The following MYMK variants were observed in gnomAD, a reference collection of about 807,000 sequenced individuals.
MYMK encodes protein myomaker.
A neutral mutation model predicts 22.4 loss-of-function variants in MYMK; 16 were observed. That is an observed-to-expected ratio of 0.72 (90% CI 0.48 to 1.09). MYMK has a LOEUF of 1.09. Ranked by LOEUF, MYMK falls within the 50% of genes least tolerant of loss-of-function variation. The probability of loss-of-function intolerance (pLI) is 0.00; values close to 1 mark genes in which losing one functional copy is unlikely to be tolerated. For missense variants in MYMK, 250 were observed against 295.6 expected (o/e 0.85, Z 1.13); for synonymous variants, 125 against 127.0 (o/e 0.98, Z 0.11).
In MYMK at chr9:133,519,454, G is replaced by A. The variant is rs142473472; in HGVS notation, c.251-432C>T. On this transcript the variant is annotated intron_variant, in intron 2 of 4. Coordinates refer to ENST00000339996, the MANE Select transcript of MYMK (RefSeq NM_001080483.3). ...GCATGCCTGTCATCCCAGCTACTTG[G>A]GAGGCTGAGGTGGGAGGATGGCTTG... Among the ~76,000 whole-genome samples, 522 of 152,280 alleles carry A rather than the reference G, an allele frequency of 3.4e-3. 3 individuals are homozygous for A. Among genetic ancestry groups the A allele is most frequent in the African/African-American group, 0.012 (510 of 41,536 alleles).
In MYMK at chr9:133,524,873, G is replaced by T. The variant is rs376451203; in HGVS notation, c.-29C>A. 1 of 1,583,894 alleles carries T rather than the reference G, an allele frequency of 6.3e-7. No individual in the cohort carries two copies. The highest frequency in any genetic ancestry group is 8.6e-7 in the Non-Finnish European group (1 of 1,164,762). On this transcript the variant is annotated 5_prime_UTR_variant, in exon 1 of 5. Transcript: ENST00000339996. ...CCAGGAGGAAAGCACTGGCTGGGGTGGGGAGGGTGCTGGTGTCCCAGGTCC... is the reference window on the plus strand; with the variant it reads ...CCAGGAGGAAAGCACTGGCTGGGGTTGGGAGGGTGCTGGTGTCCCAGGTCC...
At chr9:133,517,464 A>G (rs906851902) in intron 3 of MYMK, among the ~76,000 whole-genome samples, 1 of 152,194 alleles carries the variant, frequency 6.6e-6, no homozygotes, top group East Asian at 1.9e-4. Context: ...TCAGGAGCTC[A>G]GGACCAGCCG....
At position 133,518,731 on chromosome 9, in the gene MYMK, A is replaced by G. The variant is rs890042059; in HGVS notation, c.399+143T>C. ...CCGGAGCACCTCATGGCTATTTTCTACGTGGTTTTGCTGAATTCCTGCATC... is the reference window on the plus strand; with the variant it reads ...CCGGAGCACCTCATGGCTATTTTCTGCGTGGTTTTGCTGAATTCCTGCATC... On this transcript the variant is annotated intron_variant, in intron 3 of 4. Coordinates refer to ENST00000339996, the MANE Select transcript of MYMK (RefSeq NM_001080483.3). The G allele has an allele frequency of 8.4e-6, 9 of 1,066,926 alleles. No individual in the cohort carries two copies. The Admixed American group carries it at 1.8e-4, about 21-fold the overall frequency. 66.1% of individuals were successfully genotyped at this position (1,066,926 alleles called of 1,614,324 possible).
At chr9:133,514,916 C>A in intron 4 of MYMK, 131 bp from the exon 5 acceptor site, 1 of 1,010,726 alleles carries the variant, frequency 9.9e-7, no homozygotes, top group Non-Finnish European at 1.4e-6. Flanking sequence ...GAAGCCTCCC[C>A]CACGGTCGCG....
intron 2 of MYMK, among the ~76,000 whole-genome samples, chr9:133,519,471 G>T (rs1844671820): frequency 6.6e-6 from 1 of 152,134 alleles, no homozygotes; most frequent in African/African-American, 2.4e-5. Flanking sequence ...GAGGTGGGAG[G>T]ATGGCTTGAG....
chr9:133,515,696 C>T lies in MYMK; in HGVS notation c.400-89G>A, dbSNP rs1844623187. On this transcript the variant is annotated intron_variant, in intron 3 of 4. Coordinates refer to ENST00000339996, the MANE Select transcript of MYMK (RefSeq NM_001080483.3). This position sits in a 1 kb window ranked among gnomAD's most constrained non-coding sequence, Gnocchi z 5.8. The stretch of plus-strand genomic sequence containing the variant: ...AACCAGCCCGAGAGCTGGCCCTGCA[C>T]AGGCTCACCCCAGCCCTCTCCCGGC... 1.2e-6 allele frequency: 1 copy of T among 824,990 alleles called. No individual in the cohort carries two copies. The highest frequency in any genetic ancestry group is 2.0e-6 in the Non-Finnish European group (1 of 488,236). The allele number at this position is 824,990 out of a possible 1,614,324, so 51.1% of individuals were successfully genotyped here.
intron 1 of MYMK, 60 bp downstream of exon 1, chr9:133,524,650 C>T (rs1470934295): frequency 1.2e-6 from 2 of 1,611,710 alleles, no homozygotes; most frequent in Non-Finnish European, 1.7e-6. Flanking sequence ...GGACAGAGAG[C>T]CTCTCCTCTA....
rs777719586 is a variant in MYMK, at chr9:133,524,773, G to A, written c.72C>T (p.Ile24=). ...CCATGTGGAACCGCCTCTTGGCCGC[G>A]ATGCTGACAGTGGGGAGGAAGGCCA... ...SSLAFLPTVS[I]AAKRRFHMEA... Residue 24 remains isoleucine, a synonymous_variant, in exon 1 of 5, where the codon ATC becomes ATT. Transcript: ENST00000339996. The A allele has an allele frequency of 1.7e-5, 27 of 1,614,022 alleles. No homozygotes were observed. In the South Asian group the frequency reaches 2.4e-4, roughly 14 times the overall value.
intron 1 of MYMK, among the ~76,000 whole-genome samples, chr9:133,523,026 G>A (rs117210485): frequency 0.027 from 4,084 of 152,270 alleles, 154 homozygotes; most frequent in South Asian, 0.043. Flanking sequence ...GGGTACTGGC[G>A]CTCGAGGTGG....
chr9:133,522,734 G>T (rs1335532741), intron 1 of MYMK, among the ~76,000 whole-genome samples: 1 of 152,218 alleles, frequency 6.6e-6, no homozygotes, highest in Non-Finnish European at 1.5e-5. Flanking sequence ...CATGGGACCT[G>T]CAGAGAAATC....
intron 3 of MYMK, among the ~76,000 whole-genome samples, 189 bp downstream of exon 3, chr9:133,518,685 C>T (rs1159177937): frequency 6.6e-6 from 1 of 152,162 alleles, no homozygotes; most frequent in Non-Finnish European, 1.5e-5. Context: ...TACAGACAAG[C>T]GTCACACACA....
chr9:133,516,440 A>G (rs1844632462), intron 3 of MYMK, among the ~76,000 whole-genome samples: 1 of 152,178 alleles, frequency 6.6e-6, no homozygotes, highest in African/African-American at 2.4e-5. Flanking sequence ...TCAGGAGGCT[A>G]TAGATTTCAG....
In MYMK at chr9:133,518,909, T is replaced by C. The variant is rs1488826588; in HGVS notation, c.364A>G (p.Ile122Val). ...RWGYGVYSGP[I>V]GTAILIIAAK... ...GCGATGATGAGGATGGCTGTGCCGA[T>C]GGGGCCCGAGTACACCCCGTAGCCC... Residue 122 changes from isoleucine to valine, a missense_variant, in exon 3 of 5, where the codon ATC becomes GTC. By Grantham distance (29) the Ile-to-Val change is conservative. Transcript: ENST00000339996. The C allele has an allele frequency of 6.8e-6, 11 of 1,613,430 alleles. No individual in the cohort carries two copies. The East Asian group carries it at 2.5e-4, about 36-fold the overall frequency.
At chr9:133,517,635 C>T (rs1455113684) in intron 3 of MYMK, among the ~76,000 whole-genome samples, 7 of 148,604 alleles carry the variant, frequency 4.7e-5, no homozygotes, top group African/African-American at 1.8e-4. Flanking sequence ...CATTGCACTC[C>T]AGCCTGGGTG....
chr9:133,521,810 C>T (rs1304798346), intron 1 of MYMK, among the ~76,000 whole-genome samples: 2 of 152,326 alleles, frequency 1.3e-5, no homozygotes, highest in East Asian at 3.9e-4. Context: ...CTTCCCATCC[C>T]CCACCCCAGC....
In MYMK at chr9:133,514,785, C is replaced by A. The variant is rs778799236; in HGVS notation, c.517G>T (p.Asp173Tyr). 1 of 1,613,310 alleles carries A rather than the reference C, an allele frequency of 6.2e-7. No homozygotes were observed. Among genetic ancestry groups the A allele is most frequent in the Non-Finnish European group, 8.5e-7 (1 of 1,179,468 alleles). The change falls in exon 5 of 5, where the codon GAC becomes TAC. Residue 173 changes from aspartate (D) to tyrosine (Y), a missense_variant and splice_region_variant. Asp to Tyr is a radical substitution (Grantham distance 160). Transcript: ENST00000339996. ...LALMLRFFFEDWDYTYVHSFY... is the reference protein window; with the variant it reads ...LALMLRFFFEYWDYTYVHSFY... Reference sequence around the variant, plus strand: ...CTGTGGACATAAGTGTAGTCCCAGTCCTGCGGGGGGCAAGCGGTCAGTCTG... The same window carrying A: ...CTGTGGACATAAGTGTAGTCCCAGTACTGCGGGGGGCAAGCGGTCAGTCTG...
chr9:133,516,898 G>C (rs1484353192), intron 3 of MYMK, among the ~76,000 whole-genome samples: 1 of 152,172 alleles, frequency 6.6e-6, no homozygotes, highest in African/African-American at 2.4e-5. Context: ...CGAGGCTCAG[G>C]GAGAAAAATC....
intron 3 of MYMK, among the ~76,000 whole-genome samples, chr9:133,517,363 C>T (rs11507715): frequency 0.35 from 52,688 of 152,014 alleles, 9,839 homozygotes; most frequent in East Asian, 0.6. Flanking sequence ...TCCTCTGTCT[C>T]CTGCTCAAAA....
At chr9:133,524,608 C>G in intron 1 of MYMK, 102 bp downstream of exon 1, 1 of 1,568,414 alleles carries the variant, frequency 6.4e-7, no homozygotes, top group Non-Finnish European at 8.7e-7. Context: ...TTTCAAATCA[C>G]TTCTGCTCAT....
Sources: allele counts gnomAD v4.1 joint callset (sites outside exome capture counted in the v4.1 genomes callset), GRCh38; gene constraint gnomAD v4.1.1; non-coding constraint Gnocchi (gnomAD v3.1); transcripts MANE v1.5; gene names NCBI Gene and HGNC (gene_info 2026-07-23, HGNC 2026-07-21).